TMEM132D: variants seen among roughly 807,000 people sequenced by gnomAD.
TMEM132D encodes the protein mature OL transmembrane protein.
TMEM132D carries 21 observed loss-of-function variants against 62.3 expected under a neutral mutation model. The observed-to-expected ratio is 0.34, with a 90% CI of 0.24 to 0.49. The LOEUF (loss-of-function observed/expected upper bound fraction) is 0.49, where lower values mean the gene tolerates loss of function less well. Among genes scored for constraint, TMEM132D ranks in the 20% least tolerant of loss-of-function variants. The pLI is 0.99. For synonymous variants in TMEM132D, 621 were observed against 575.6 expected, an observed-to-expected ratio of 1.08 and a Z score of -1.13; for missense variants, 1,346 against 1,402.8, an observed-to-expected ratio of 0.96 and a Z score of 0.65.
chr12:129,163,930 T>C (rs1423078645), intron 5 of TMEM132D, among the ~76,000 whole-genome samples: 1 of 152,222 alleles, frequency 6.6e-6, no homozygotes, highest in Admixed American at 6.5e-5. Context: ...AACACTGAGA[T>C]GTCCCAGCCG....
intron 5 of TMEM132D, among the ~76,000 whole-genome samples, chr12:129,139,809 C>A (rs998843908): frequency 6.6e-6 from 1 of 152,258 alleles, no homozygotes; most frequent in Middle Eastern, 3.4e-3. Flanking sequence ...CTTCTGCACT[C>A]AAATGATCCT....
intron 2 of TMEM132D, among the ~76,000 whole-genome samples, chr12:129,610,343 T>C (rs1565921814): frequency 6.6e-6 from 1 of 151,912 alleles, no homozygotes; most frequent in Non-Finnish European, 1.5e-5. Context: ...ATTGATTGAA[T>C]TGACACGTGC....
At chr12:129,541,571 C>G (rs1876583647) in intron 2 of TMEM132D, among the ~76,000 whole-genome samples, 1 of 152,128 alleles carries the variant, frequency 6.6e-6, no homozygotes, top group African/African-American at 2.4e-5. Flanking sequence ...ATCACCATTT[C>G]CAGAAACACA....
chr12:129,077,545 C>T (rs1014754611), intron 8 of TMEM132D, among the ~76,000 whole-genome samples: 8 of 151,812 alleles, frequency 5.3e-5, no homozygotes, highest in Admixed American at 2.0e-4. Flanking sequence ...CAAACACATG[C>T]ATCACACACA....
intron 3 of TMEM132D, among the ~76,000 whole-genome samples, chr12:129,410,178 G>C (rs1285348897): frequency 6.6e-6 from 1 of 152,114 alleles, no homozygotes; most frequent in Non-Finnish European, 1.5e-5. Context: ...CCGAGGATCT[G>C]AGCTTTTCAT....
intron 4 of TMEM132D, among the ~76,000 whole-genome samples, chr12:129,239,518 T>C (rs1000835348): frequency 2.6e-5 from 4 of 152,142 alleles, no homozygotes; most frequent in Non-Finnish European, 5.9e-5. Context: ...CTCAGTACCT[T>C]TGAGTGGGAC....
chr12:129,347,590 C>T (rs1869727691), intron 3 of TMEM132D, among the ~76,000 whole-genome samples: 1 of 152,106 alleles, frequency 6.6e-6, no homozygotes, highest in Non-Finnish European at 1.5e-5. Context: ...AAAATAAAAC[C>T]TAAAACCACA....
chr12:129,350,649 TCAGA>T (rs2135667783), intron 3 of TMEM132D, among the ~76,000 whole-genome samples: 1 of 152,330 alleles, frequency 6.6e-6, no homozygotes, highest in Admixed American at 6.5e-5. Context: ...CTCTGCATAA[TCAGA>T]CAAACTGTTG....
intron 8 of TMEM132D, among the ~76,000 whole-genome samples, chr12:129,076,844 C>T (rs956033603): frequency 6.6e-6 from 1 of 152,364 alleles, no homozygotes; most frequent in South Asian, 2.1e-4. Context: ...CTAGCTGCAT[C>T]TTATCCCTTC....
intron 3 of TMEM132D, among the ~76,000 whole-genome samples, chr12:129,409,894 C>T (rs1257145482): frequency 1.3e-5 from 2 of 152,194 alleles, no homozygotes; most frequent in South Asian, 4.1e-4. Flanking sequence ...GCAGACATAG[C>T]AGAGACTCTG....
chr12:129,138,931 T>A (rs942306347), intron 5 of TMEM132D, among the ~76,000 whole-genome samples: 1 of 152,204 alleles, frequency 6.6e-6, no homozygotes, highest in Non-Finnish European at 1.5e-5. Context: ...GCCTTCATTC[T>A]GATGACAAAT....
intron 3 of TMEM132D, among the ~76,000 whole-genome samples, chr12:129,413,899 A>C (rs1872040049): frequency 6.6e-6 from 1 of 152,244 alleles, no homozygotes. Flanking sequence ...CTGGGCATGA[A>C]CGAACAATAC....
intron 5 of TMEM132D, among the ~76,000 whole-genome samples, chr12:129,103,337 C>T (rs989375730): frequency 2.6e-5 from 4 of 152,190 alleles, no homozygotes; most frequent in Admixed American, 2.0e-4. Flanking sequence ...CCAGCACTTG[C>T]AGAACCAGGC....
Position 129,770,140 on chromosome 12 carries a change from G to GTTTTTTTTTTTTTTTTTTTTTTTT in TMEM132D, c.80-69443_80-69442insAAAAAAAAAAAAAAAAAAAAAAAA, listed in dbSNP as rs375230592. 1.2e-4 allele frequency among the ~76,000 whole-genome samples: 12 copies of GTTTTTTTTTTTTTTTTTTTTTTTT among 104,308 alleles called. 6 individuals carry two copies. Among genetic ancestry groups the GTTTTTTTTTTTTTTTTTTTTTTTT allele is most frequent in the Non-Finnish European group, 1.5e-4 (8 of 54,154 alleles). 68.4% of individuals were successfully genotyped at this position (104,308 alleles called of 152,430 possible). ...ATGAGATTCTTTGTGGGTTTTTTTG[G>GTTTTTTTTTTTTTTTTTTTTTTTT]TTGTTTTTTTTTTTTTTTTTTGAGA... On this transcript the variant is annotated intron_variant, in intron 1 of 8. Transcript: ENST00000422113.
intron 2 of TMEM132D, among the ~76,000 whole-genome samples, chr12:129,607,995 A>T (rs1241548560): frequency 1.3e-5 from 2 of 152,186 alleles, no homozygotes; most frequent in South Asian, 2.1e-4. Flanking sequence ...GAGCCGACAG[A>T]TCAGCGTTGT....
chr12:129,580,936 C>T (rs557347151), intron 2 of TMEM132D, among the ~76,000 whole-genome samples: 4 of 152,232 alleles, frequency 2.6e-5, no homozygotes, highest in Non-Finnish European at 5.9e-5. Context: ...CCAGTTTTCT[C>T]AATTGGCATT....
intron 1 of TMEM132D, among the ~76,000 whole-genome samples, chr12:129,813,898 A>G (rs142854002): frequency 0.039 from 5,938 of 152,238 alleles, 172 homozygotes; most frequent in Middle Eastern, 0.058. Context: ...TAAAACCATA[A>G]CCAGTTATAA....
At chr12:129,311,790 T>A (rs1442847860) in intron 4 of TMEM132D, among the ~76,000 whole-genome samples, 1 of 152,094 alleles carries the variant, frequency 6.6e-6, no homozygotes, top group Non-Finnish European at 1.5e-5. Flanking sequence ...CCACCACTGA[T>A]ACAAACACCC....
At chr12:129,078,201 G>C (rs1191906269) in intron 8 of TMEM132D, among the ~76,000 whole-genome samples, 1 of 152,250 alleles carries the variant, frequency 6.6e-6, no homozygotes, top group Non-Finnish European at 1.5e-5. Flanking sequence ...AGCGTGTGGA[G>C]AGCACAGGTG....
Sources: gnomAD v4.1 joint callset for allele counts (sites outside exome capture counted in the v4.1 genomes callset) on GRCh38, gnomAD v4.1.1 for gene constraint, MANE v1.5 for transcripts, NCBI Gene and HGNC (gene_info 2026-07-23, HGNC 2026-07-21) for gene names.